The following SPTBN1 variants were observed in gnomAD, a reference collection of about 807,000 sequenced individuals.
SPTBN1 encodes spectrin beta chain, non-erythrocytic 1.
SPTBN1 carries 32 observed loss-of-function variants against 266.4 expected under a neutral mutation model. That is an observed-to-expected ratio of 0.12 (90% CI 0.09 to 0.16). The LOEUF is 0.16. Ranked by LOEUF, SPTBN1 falls within the 10% of genes least tolerant of loss-of-function variation. The probability of loss-of-function intolerance (pLI) is 1.00; values close to 1 mark genes in which losing one functional copy is unlikely to be tolerated. For synonymous variants in SPTBN1, 1,336 were observed against 1,162.2 expected (o/e 1.15, Z -3.04); for missense variants, 2,296 against 3,067.1 (o/e 0.75, Z 5.94).
chr2:54,671,322 A>T lies in SPTBN1; in HGVS notation c.*2753A>T, dbSNP rs1398017110. On this transcript the variant is annotated 3_prime_UTR_variant, in exon 36 of 36. Transcript: ENST00000356805. Reference sequence around the variant, plus strand: ...CACTGTATCAGACTGGGTGATGGGCACATTGTCATTTCACCAAGTTCCTGG... The same window carrying T: ...CACTGTATCAGACTGGGTGATGGGCTCATTGTCATTTCACCAAGTTCCTGG... 6.6e-6 allele frequency: 1 copy of T among 152,342 alleles called. No homozygotes were observed. Among genetic ancestry groups the T allele is most frequent in the Admixed American group, 6.5e-5 (1 of 15,290 alleles). The allele number at this position is 152,342 out of a possible 1,614,324, so 9.4% of individuals were successfully genotyped here. A position where few individuals can be genotyped will look rare whatever the true frequency, so the allele number is the denominator to read the frequency against.
In SPTBN1 at chr2:54,626,312, C is replaced by T. The variant is rs918482543; in HGVS notation, c.1644+78C>T. ...TTTTCTGTGACTCATTCACTAAACC[C>T]CTACGTACAGCTGTGTGCCTTGTCT... On this transcript the variant is annotated intron_variant, in intron 12 of 35. Transcript: ENST00000356805. This position sits in a 1 kb window ranked among gnomAD's most constrained non-coding sequence, Gnocchi z 4.7. The T allele has an allele frequency of 2.0e-6, 3 of 1,492,636 alleles. No individual in the cohort carries two copies. In the East Asian group the frequency reaches 7.3e-5, roughly 36 times the overall value. 92.5% of individuals were successfully genotyped at this position (1,492,636 alleles called of 1,614,324 possible).
intron 2 of SPTBN1, among the ~76,000 whole-genome samples, chr2:54,538,880 C>G (rs560493143): frequency 6.6e-6 from 1 of 152,192 alleles, no homozygotes; most frequent in Non-Finnish European, 1.5e-5. Context: ...GGGCCATTTG[C>G]GGGTTCTCAG....
intron 2 of SPTBN1, among the ~76,000 whole-genome samples, chr2:54,580,127 A>G (rs1297093956): frequency 1.6e-4 from 25 of 152,252 alleles, no homozygotes. Flanking sequence ...CAGCACTGAA[A>G]AAATTCAAGC....
chr2:54,535,921 G>GA (rs554814228), intron 2 of SPTBN1, among the ~76,000 whole-genome samples: 376 of 152,374 alleles, frequency 2.5e-3, no homozygotes, highest in African/African-American at 8.5e-3. Flanking sequence ...TCAGGAGGCT[G>GA]AGACAGGAGA....
Position 54,637,708 on chromosome 2 carries a change from A to G in SPTBN1, c.3768-5A>G, listed in dbSNP as rs1558455615. 1.9e-6 allele frequency: 3 copies of G among 1,609,432 alleles called. No homozygotes were observed. Among genetic ancestry groups the G allele is most frequent in the South Asian group, 1.1e-5 (1 of 90,646 alleles). Reference sequence around the variant, plus strand: ...TAAAAATTATTTTTGTTACCATTCTAATAGACATAGGAAGAATCGTGAGAC... The same window carrying G: ...TAAAAATTATTTTTGTTACCATTCTGATAGACATAGGAAGAATCGTGAGAC... On this transcript the variant is annotated splice_region_variant and splice_polypyrimidine_tract_variant and intron_variant, in intron 17 of 35. Coordinates refer to ENST00000356805, the MANE Select transcript of SPTBN1 (RefSeq NM_003128.3).
At chr2:54,573,109 G>A (rs1674204772) in intron 2 of SPTBN1, among the ~76,000 whole-genome samples, 1 of 152,220 alleles carries the variant, frequency 6.6e-6, no homozygotes, top group South Asian at 2.1e-4. Context: ...GTTGTCTGCA[G>A]ATGTGAATTA....
At chr2:54,511,113 A>G (rs1427960482) in intron 1 of SPTBN1, among the ~76,000 whole-genome samples, 2 of 152,232 alleles carry the variant, frequency 1.3e-5, no homozygotes, top group African/African-American at 4.8e-5. Context: ...GCTGTCACCT[A>G]TGATAAATGC....
Position 54,595,650 on chromosome 2 carries a change from C to A in SPTBN1, c.149-3442C>A, listed in dbSNP as rs947209883. Among the ~76,000 whole-genome samples, 7 of 152,252 alleles carry A rather than the reference C, an allele frequency of 4.6e-5. No homozygotes were observed. In the East Asian group the frequency reaches 1.3e-3, roughly 29 times the overall value. On this transcript the variant is annotated intron_variant, in intron 2 of 35. Transcript: ENST00000356805. ...CCTGAAGGCCGGCCATTTCTGCTGC[C>A]TTCGAGCTGACCTGCAGGTCATCAA... is the stretch of plus-strand genomic sequence containing the variant.
Position 54,616,132 on chromosome 2 carries a change from T to C in SPTBN1, c.475-75T>C, listed in dbSNP as rs1677590408. On this transcript the variant is annotated intron_variant, in intron 4 of 35. Coordinates refer to ENST00000356805, the MANE Select transcript of SPTBN1 (RefSeq NM_003128.3). ...ATCTACAGTTTATTCTTTATGTATA[T>C]GCAGACCTGTTCTTCAGTGGTTCTT... The C allele has an allele frequency of 5.6e-6, 7 of 1,256,420 alleles. No homozygotes were observed. In the Admixed American group the frequency reaches 7.1e-5, roughly 13 times the overall value. 77.8% of individuals were successfully genotyped at this position (1,256,420 alleles called of 1,614,324 possible).
At chr2:54,614,752 G>A (rs1054758759) in intron 4 of SPTBN1, among the ~76,000 whole-genome samples, 11 of 150,074 alleles carry the variant, frequency 7.3e-5, no homozygotes, top group African/African-American at 4.9e-5. Context: ...GCAGTGAGCC[G>A]AGATCACACC....
intron 2 of SPTBN1, among the ~76,000 whole-genome samples, chr2:54,595,314 G>A (rs1675995022): frequency 6.6e-6 from 1 of 152,092 alleles, no homozygotes; most frequent in Non-Finnish European, 1.5e-5. Flanking sequence ...GGGAGGGTGG[G>A]GGCAAATATA....
In SPTBN1 at chr2:54,669,679, C is replaced by T. The variant is rs991792699; in HGVS notation, c.*1110C>T. On this transcript the variant is annotated 3_prime_UTR_variant, in exon 36 of 36. Transcript: ENST00000356805. ...TCATTAAATGCTTTTAAATCTAGCA[C>T]GGTGACTAGTTGTTGTTCTTCCTCT... The T allele has an allele frequency of 6.6e-6, 1 of 152,642 alleles. No homozygotes were observed. The highest frequency in any genetic ancestry group is 1.5e-5 in the Non-Finnish European group (1 of 68,052). 9.5% of individuals were successfully genotyped at this position (152,642 alleles called of 1,614,324 possible).
At chr2:54,484,171 G>A (rs1277690421) in intron 1 of SPTBN1, among the ~76,000 whole-genome samples, 1 of 152,234 alleles carries the variant, frequency 6.6e-6, no homozygotes, top group Non-Finnish European at 1.5e-5. Context: ...GGGGGACAGA[G>A]TGAGACCCTG....
At chr2:54,601,158 A>T (rs1573505209) in intron 3 of SPTBN1, among the ~76,000 whole-genome samples, 1 of 152,192 alleles carries the variant, frequency 6.6e-6, no homozygotes, top group African/African-American at 2.4e-5. Flanking sequence ...TACCATCTCC[A>T]ACCTCTTAGG....
At chr2:54,537,372 T>C (rs1671676652) in intron 2 of SPTBN1, among the ~76,000 whole-genome samples, 1 of 152,238 alleles carries the variant, frequency 6.6e-6, no homozygotes, top group African/African-American at 2.4e-5. Flanking sequence ...AAGATCCTTT[T>C]ATACCAGATC....
intron 6 of SPTBN1, 77 bp downstream of exon 6, chr2:54,617,765 T>G: frequency 6.9e-7 from 1 of 1,452,176 alleles, no homozygotes; most frequent in South Asian, 1.2e-5. Flanking sequence ...GGGTGACTTT[T>G]CCATATCCGT....
chr2:54,629,864 T>G, intron 14 of SPTBN1, 28 bp from the exon 15 acceptor site: 1 of 1,613,660 alleles, frequency 6.2e-7, no homozygotes, highest in Non-Finnish European at 8.5e-7. Context: ...GCCCAGGAGG[T>G]GACCACCCTG....
chr2:54,556,656 C>CTT (rs10656687), intron 2 of SPTBN1, among the ~76,000 whole-genome samples: 121,456 of 151,838 alleles, frequency 0.8, 49,140 homozygotes, highest in African/African-American at 0.93. Flanking sequence ...TTCAACTTCT[C>CTT]TTGTAGTCTT....
chr2:54,613,741 T>A (rs1426715241), intron 4 of SPTBN1, among the ~76,000 whole-genome samples: 3 of 152,246 alleles, frequency 2.0e-5, no homozygotes, highest in East Asian at 3.8e-4. Flanking sequence ...TTTCTGTTAT[T>A]TAGTTCCTGA....
Sources: allele counts gnomAD v4.1 joint callset (sites outside exome capture counted in the v4.1 genomes callset), GRCh38; gene constraint gnomAD v4.1.1; non-coding constraint Gnocchi (gnomAD v3.1); transcripts MANE v1.5; gene names NCBI Gene and HGNC (gene_info 2026-07-23, HGNC 2026-07-21).